The following PSMB8 variants were observed in gnomAD, a reference collection of about 807,000 sequenced individuals.
The protein encoded by PSMB8 is proteasome 20S subunit beta 8.
Under a neutral mutation model 32.3 loss-of-function variants are expected in PSMB8, and 20 were observed. The observed-to-expected ratio is 0.62, with a 90% CI of 0.44 to 0.90. The LOEUF (loss-of-function observed/expected upper bound fraction) is 0.90. Ranked by LOEUF, PSMB8 falls within the 40% of genes least tolerant of loss-of-function variation. PSMB8 has a pLI of 0.00. For missense variants in PSMB8, 342 were observed against 365.4 expected (o/e 0.94, Z 0.52); for synonymous variants, 131 against 135.4 (o/e 0.97, Z 0.23).
rs772455458 is a variant in PSMB8, at chr6:32,841,654, C to A, written c.619G>T (p.Ala207Ser). The A allele has an allele frequency of 5.0e-6, 8 of 1,612,876 alleles. No individual in the cohort carries two copies. The highest frequency in any genetic ancestry group is 5.1e-6 in the Non-Finnish European group (6 of 1,180,028). ...MFSTGSGNTY[A>S]YGVMDSGYRP... The stretch of plus-strand genomic sequence containing the variant: ...TAGCCACTGTCCATGACCCCGTAGG[C>A]ATAAGTGTTCCCACTACCCGTGGAG... The change falls in exon 5 of 6, where the codon GCC (alanine) becomes TCC (serine). Residue 207 changes from alanine (A) to serine (S), a missense_variant. Ala to Ser is a moderately conservative substitution (Grantham distance 99). Transcript: ENST00000374882.
chr6:32,843,982 A>G lies in PSMB8; in HGVS notation c.15T>C (p.Asp5=), dbSNP rs768986846. The G allele has an allele frequency of 6.2e-7, 1 of 1,610,886 alleles. No individual in the cohort carries two copies. Among genetic ancestry groups the G allele is most frequent in the African/African-American group, 1.3e-5 (1 of 74,484 alleles). Residue 5 remains aspartate (D), a synonymous_variant, in exon 1 of 6, where the codon GAT becomes GAC. Transcript: ENST00000374882. ...GCTGCCCTCGGGGGGCTCCGCATACATCTAGTAGCGCCATGACCGCCCAGC... is the reference window on the plus strand; with the variant it reads ...GCTGCCCTCGGGGGGCTCCGCATACGTCTAGTAGCGCCATGACCGCCCAGC... The part of the protein sequence containing the change: MALL[D]VCGAPRGQRP...
Position 32,840,819 on chromosome 6 carries a change from C to T in PSMB8, c.*140G>A, listed in dbSNP as rs115433903. ...AGAACACGCAGAAGATGCACTTCAC[C>T]GGCCTCCTCTGGCTGCTGAGCCCGT... On this transcript the variant is annotated 3_prime_UTR_variant, in exon 6 of 6. Coordinates refer to ENST00000374882, the MANE Select transcript of PSMB8 (RefSeq NM_148919.4). 6.2e-3 allele frequency: 4,384 copies of T among 707,190 alleles called. 44 individuals are homozygous for T. Among genetic ancestry groups the T allele is most frequent in the South Asian group, 0.028 (1,727 of 61,520 alleles). The allele number at this position is 707,190 out of a possible 1,614,324, so 43.8% of individuals were successfully genotyped here.
At chr6:32,844,284 G>A (rs374147197), upstream of PSMB8, 1 of 1,613,726 alleles carries the variant, frequency 6.2e-7, no homozygotes, top group African/African-American at 1.3e-5. Flanking sequence ...GGTACCTCCA[G>A]GCCCGGGCAT....
intron 2 of PSMB8, 32 bp downstream of exon 2, chr6:32,842,910 C>T (rs779434235): frequency 3.2e-5 from 51 of 1,613,848 alleles, no homozygotes; most frequent in Non-Finnish European, 9.3e-6. Flanking sequence ...CCCAGCTCCC[C>T]AGATTCTGCC....
upstream of PSMB8, chr6:32,844,524 A>G: frequency 7.5e-7 from 1 of 1,337,708 alleles, no homozygotes; most frequent in Non-Finnish European, 1.1e-6. Flanking sequence ...AGGCGGCGCC[A>G]GGGAGAGGGC....
upstream of PSMB8, chr6:32,844,396 G>C (rs1288546279): frequency 3.1e-6 from 5 of 1,613,798 alleles, no homozygotes; most frequent in Non-Finnish European, 3.4e-6. Context: ...CACGCGGGGT[G>C]GGGGTTCCTA....
At position 32,843,765 on chromosome 6, in the gene PSMB8, C is replaced by G. The variant is rs1027587757; in HGVS notation, c.147+85G>C. The G allele has an allele frequency of 3.2e-6, 5 of 1,558,624 alleles. No individual in the cohort carries two copies. The African/African-American group carries it at 4.1e-5, about 13-fold the overall frequency. ...CCCCCGACCCTGTACCCCGCGCTCC[C>G]GCTCTCGCCTCCTCCTCTCAGGCGA... On this transcript the variant is annotated intron_variant, in intron 1 of 5. Coordinates refer to ENST00000374882, the MANE Select transcript of PSMB8 (RefSeq NM_148919.4).
At chr6:32,842,626 G>A (rs764526098) in intron 3 of PSMB8, 46 bp downstream of exon 3, 9 of 1,454,382 alleles carry the variant, frequency 6.2e-6, no homozygotes, top group Non-Finnish European at 7.7e-6. Flanking sequence ...AGAGATCCAG[G>A]GATTAACCAC....
chr6:32,844,025 C>A lies in PSMB8; in HGVS notation c.-29G>T. The A allele has an allele frequency of 6.2e-7, 1 of 1,604,310 alleles. No homozygotes were observed. Among genetic ancestry groups the A allele is most frequent in the African/African-American group, 1.3e-5 (1 of 74,650 alleles). Reference sequence around the variant, plus strand: ...CGCCCAGCACCCAGAGATCTGTCCGCTCTCGGAGGAGGAAGTGAAAGCGAA... The same window carrying A: ...CGCCCAGCACCCAGAGATCTGTCCGATCTCGGAGGAGGAAGTGAAAGCGAA... On this transcript the variant is annotated 5_prime_UTR_variant, in exon 1 of 6. Coordinates refer to ENST00000374882, the MANE Select transcript of PSMB8 (RefSeq NM_148919.4).
At position 32,843,835 on chromosome 6, in the gene PSMB8, C is replaced by T. The variant is rs2127380090; in HGVS notation, c.147+15G>A. 1.2e-6 allele frequency: 2 copies of T among 1,612,470 alleles called. No homozygotes were observed. The highest frequency in any genetic ancestry group is 1.1e-5 in the South Asian group (1 of 91,084). On this transcript the variant is annotated intron_variant, in intron 1 of 5. Transcript: ENST00000374882. ...CGCCTCCCTGCATCCCTAGGGGCTT[C>T]CCTACTGCCCCGACCTGCATTCCCC...
At position 32,842,794 on chromosome 6, in the gene PSMB8, A is replaced by G. The variant is rs1770003312; in HGVS notation, c.296-11T>C. The G allele has an allele frequency of 6.2e-7, 1 of 1,612,936 alleles. No individual in the cohort carries two copies. The highest frequency in any genetic ancestry group is 1.1e-5 in the South Asian group (1 of 91,026). The stretch of plus-strand genomic sequence containing the variant: ...TCACCCGTAAGGCACCTGGAAGAAG[A>G]TGGAGCTTTGGGAGAGAAGGGATGA... On this transcript the variant is annotated splice_polypyrimidine_tract_variant and intron_variant, in intron 2 of 5. Transcript: ENST00000374882.
At chr6:32,841,984 T>A in intron 4 of PSMB8, 150 bp downstream of exon 4, 1 of 1,229,906 alleles carries the variant, frequency 8.1e-7, no homozygotes, top group East Asian at 2.4e-5. Context: ...GGCCAATAAA[T>A]AGTCCATGGA....
In PSMB8 at chr6:32,842,661, G is replaced by T. The variant is rs1769988417; in HGVS notation, c.407+11C>A. On this transcript the variant is annotated intron_variant, in intron 3 of 5. Transcript: ENST00000374882. Reference sequence around the variant, plus strand: ...CTAGGCTAAGAAAGGAAGATGAGAGGCCTCGCTTACCTGCATTCCTTGGCC... The same window carrying T: ...CTAGGCTAAGAAAGGAAGATGAGAGTCCTCGCTTACCTGCATTCCTTGGCC... 3.7e-6 allele frequency: 6 copies of T among 1,601,064 alleles called. 1 individual carries two copies. Among genetic ancestry groups the T allele is most frequent in the Non-Finnish European group, 5.1e-6 (6 of 1,168,832 alleles).
chr6:32,841,557 T>C lies in PSMB8; in HGVS notation c.716A>G (p.Asp239Gly). The C allele has an allele frequency of 6.2e-7, 1 of 1,612,832 alleles. No individual in the cohort carries two copies. Among genetic ancestry groups the C allele is most frequent in the Non-Finnish European group, 8.5e-7 (1 of 1,180,038 alleles). Residue 239 changes from aspartate (D) to glycine (G), a missense_variant, in exon 5 of 6, where the codon GAC becomes GGC. By Grantham distance (94) the Asp-to-Gly change is moderately conservative (BLOSUM62 -1). Coordinates refer to ENST00000374882, the MANE Select transcript of PSMB8 (RefSeq NM_148919.4). ...ATTGACAACGCCTCCAGAATAGCTG[T>C]CTCTGTGAGTGGCATAAGCAATAGC... ...RRAIAYATHR[D>G]SYSGGVVNMY...
At position 32,841,697 on chromosome 6, in the gene PSMB8, C is replaced by T. The variant is rs1769917216; in HGVS notation, c.576G>A (p.Arg192=). Reference sequence around the variant, plus strand: ...CCGTGGAGAACATATTTCCTGAGAGCCGAGTCCCATGTTCATCCACGTAGT... The same window carrying T: ...CCGTGGAGAACATATTTCCTGAGAGTCGAGTCCCATGTTCATCCACGTAGT... ...GLYYVDEHGT[R]LSGNMFSTGS... Residue 192 remains arginine (R), a synonymous_variant, in exon 5 of 6, where the codon CGG becomes CGA. Transcript: ENST00000374882. 1.2e-6 allele frequency: 2 copies of T among 1,612,798 alleles called. No homozygotes were observed. The highest frequency in any genetic ancestry group is 8.5e-7 in the Non-Finnish European group (1 of 1,180,026).
chr6:32,841,188 C>T, intron 5 of PSMB8, 141 bp from the exon 6 acceptor site: 1 of 782,442 alleles, frequency 1.3e-6, no homozygotes. Flanking sequence ...CTTCTTCTGA[C>T]TCTGAAAATT....
At chr6:32,843,175 G>A in intron 1 of PSMB8, 86 bp from the exon 2 acceptor site, 2 of 1,420,642 alleles carry the variant, frequency 1.4e-6, no homozygotes, top group Non-Finnish European at 2.0e-6. Context: ...GTATGAGGGT[G>A]AGGAGATATG....
At position 32,841,446 on chromosome 6, in the gene PSMB8, C is replaced by G. The variant is rs2071627; in HGVS notation, c.742+85G>C. 1.4e-5 allele frequency: 19 copies of G among 1,394,224 alleles called. No individual in the cohort carries two copies. The Admixed American group carries it at 2.0e-4, about 15-fold the overall frequency. The allele number at this position is 1,394,224 out of a possible 1,614,324, so 86.4% of individuals were successfully genotyped here. ...AGAGACGGGGTTTCGCCATGTTGGCCAGGCTGGTTTCTCAATCTTAAATCA... is the reference window on the plus strand; with the variant it reads ...AGAGACGGGGTTTCGCCATGTTGGCGAGGCTGGTTTCTCAATCTTAAATCA... On this transcript the variant is annotated intron_variant, in intron 5 of 5. Coordinates refer to ENST00000374882, the MANE Select transcript of PSMB8 (RefSeq NM_148919.4).
In PSMB8 at chr6:32,843,009, G is replaced by T; in HGVS notation, c.228C>A (p.Leu76=). 2.5e-6 allele frequency: 4 copies of T among 1,613,094 alleles called. No homozygotes were observed. Among genetic ancestry groups the T allele is most frequent in the Non-Finnish European group, 3.4e-6 (4 of 1,180,032 alleles). The part of the protein sequence containing the change: ...QIEMAHGTTT[L]AFKFQHGVIA... Reference sequence around the variant, plus strand: ...TCACTCCATGCTGGAACTTGAAGGCGAGCGTGGTGGTGCCATGGGCCATCT... The same window carrying T: ...TCACTCCATGCTGGAACTTGAAGGCTAGCGTGGTGGTGCCATGGGCCATCT... Residue 76 remains leucine, a synonymous_variant, in exon 2 of 6, where the codon CTC becomes CTA. Transcript: ENST00000374882.
Sources: gnomAD v4.1 joint callset for allele counts on GRCh38, gnomAD v4.1.1 for gene constraint, MANE v1.5 for transcripts, NCBI Gene and HGNC (gene_info 2026-07-23, HGNC 2026-07-21) for gene names.